The following SNAP47 variants were observed in gnomAD, a reference collection of about 807,000 sequenced individuals.
SNAP47 encodes the protein synaptosomal-associated protein 47.
SNAP47 carries 20 observed loss-of-function variants against 31.4 expected under a neutral mutation model. That is an observed-to-expected ratio of 0.64 (90% CI 0.45 to 0.93). The LOEUF is 0.93. Among genes scored for constraint, SNAP47 ranks in the 40% least tolerant of loss-of-function variants. The pLI is 0.00. For missense variants in SNAP47, 492 were observed against 528.5 expected (o/e 0.93, Z 0.68); for synonymous variants, 194 against 213.4 (o/e 0.91, Z 0.79).
intron 4 of SNAP47, among the ~76,000 whole-genome samples, chr1:227,774,228 TC>T (rs1392865245): frequency 6.6e-6 from 1 of 152,262 alleles, no homozygotes; most frequent in Admixed American, 6.5e-5. Flanking sequence ...GGCTGCCTGT[TC>T]CTGTTTCTGT....
chr1:227,752,045 G>A (rs988390193), intron 2 of SNAP47, among the ~76,000 whole-genome samples: 1 of 152,096 alleles, frequency 6.6e-6, no homozygotes. Flanking sequence ...GATTACAGGC[G>A]TGAACCACCG....
chr1:227,744,604 G>A (rs913082796), intron 1 of SNAP47, among the ~76,000 whole-genome samples: 4 of 137,866 alleles, frequency 2.9e-5, no homozygotes, highest in South Asian at 2.2e-4. Context: ...TCATCCTTCT[G>A]TGTGTGAGCT....
At chr1:227,733,664 T>C, upstream of SNAP47, 1 of 1,601,532 alleles carries the variant, frequency 6.2e-7, no homozygotes. Flanking sequence ...GCGGAAGATG[T>C]CAGCATGGAA....
intron 2 of SNAP47, among the ~76,000 whole-genome samples, chr1:227,755,418 G>T (rs576869864): frequency 1.3e-5 from 2 of 151,556 alleles, no homozygotes; most frequent in African/African-American, 4.8e-5. Flanking sequence ...ATGGAGTCTC[G>T]CTCTGTCACC....
intron 4 of SNAP47, among the ~76,000 whole-genome samples, chr1:227,775,171 C>A (rs1195345611): frequency 6.6e-6 from 1 of 152,222 alleles, no homozygotes. Context: ...TCTGCGAGTG[C>A]CGAGTGTGAC....
At chr1:227,742,179 C>A (rs150894581) in intron 1 of SNAP47, among the ~76,000 whole-genome samples, 2 of 152,104 alleles carry the variant, frequency 1.3e-5, no homozygotes, top group African/African-American at 2.4e-5. Context: ...ATCCCTCCCC[C>A]CTGCCCCTAG....
upstream of SNAP47, chr1:227,730,447 G>A (rs940192486): frequency 1.3e-5 from 2 of 151,264 alleles, no homozygotes; most frequent in African/African-American, 4.9e-5. Flanking sequence ...TTGCCAATCT[G>A]GAGTGAGGTA....
At chr1:227,735,411 T>A (rs547023870), upstream of SNAP47, 16 of 1,555,648 alleles carry the variant, frequency 1.0e-5, no homozygotes, top group South Asian at 1.8e-4. Context: ...CCTGCACGCA[T>A]GCGCGCGGCT....
In SNAP47 at chr1:227,763,474, T is replaced by C. The variant is rs887823348; in HGVS notation, c.989-3485T>C. ...GGGCAGTTAGTAAAGGACCAGAGCA[T>C]TGGGGTGGCTGAGGTTGTCTCTGCA... On this transcript the variant is annotated intron_variant, in intron 3 of 4. Coordinates refer to ENST00000617596, the MANE Select transcript of SNAP47 (RefSeq NM_053052.4). This position sits in a 1 kb window ranked among gnomAD's most constrained non-coding sequence, Gnocchi z 4.2. 2.0e-5 allele frequency among the ~76,000 whole-genome samples: 3 copies of C among 152,100 alleles called. No homozygotes were observed. Among genetic ancestry groups the C allele is most frequent in the African/African-American group, 7.2e-5 (3 of 41,412 alleles).
At chr1:227,740,206 G>A (rs1477282574) in intron 1 of SNAP47, among the ~76,000 whole-genome samples, 3 of 152,220 alleles carry the variant, frequency 2.0e-5, no homozygotes, top group Non-Finnish European at 4.4e-5. Flanking sequence ...CCACCAATGA[G>A]ACTCCCTGGT....
upstream of SNAP47, chr1:227,735,398 G>T: frequency 6.4e-7 from 1 of 1,569,606 alleles, no homozygotes; most frequent in East Asian, 2.3e-5. Flanking sequence ...CTGGGGCTCC[G>T]GGCCTGCACG....
chr1:227,769,775 G>A (rs1324619018), intron 4 of SNAP47, among the ~76,000 whole-genome samples: 1 of 152,176 alleles, frequency 6.6e-6, no homozygotes, highest in Admixed American at 6.5e-5. Flanking sequence ...TCTGTTGTCC[G>A]CTTCTCTTTG....
upstream of SNAP47, chr1:227,732,344 CAGG>C (rs777049063): frequency 1.8e-5 from 28 of 1,596,438 alleles, no homozygotes; most frequent in African/African-American, 3.5e-4. Context: ...GGCCCCGGAG[CAGG>C]AGGCTGCCTC....
At chr1:227,757,373 A>T (rs1558202496) in intron 2 of SNAP47, among the ~76,000 whole-genome samples, 2 of 152,240 alleles carry the variant, frequency 1.3e-5, no homozygotes, top group Non-Finnish European at 2.9e-5. Flanking sequence ...GACATTTCAC[A>T]TCCATCTACT....
intron 4 of SNAP47, among the ~76,000 whole-genome samples, chr1:227,775,074 G>A (rs965893586): frequency 1.3e-5 from 2 of 152,202 alleles, no homozygotes; most frequent in Admixed American, 1.3e-4. Flanking sequence ...GAGGAGGGGG[G>A]CCCTGCATCT....
intron 2 of SNAP47, among the ~76,000 whole-genome samples, chr1:227,751,826 C>T (rs1662390310): frequency 1.6e-5 from 2 of 125,344 alleles, no homozygotes; most frequent in African/African-American, 3.1e-5. Context: ...TGCAGTGGCG[C>T]GATCTCTGCT....
At chr1:227,767,838 C>T (rs1352773018) in intron 4 of SNAP47, among the ~76,000 whole-genome samples, 2 of 152,210 alleles carry the variant, frequency 1.3e-5, no homozygotes, top group South Asian at 2.1e-4. Flanking sequence ...TATGCATGCA[C>T]AGTCGGGTGC....
At chr1:227,761,146 G>A (rs1235772982) in intron 3 of SNAP47, among the ~76,000 whole-genome samples, 1 of 152,170 alleles carries the variant, frequency 6.6e-6, no homozygotes, top group Non-Finnish European at 1.5e-5. Context: ...TAAATGCCAG[G>A]TGTCTGTTAA....
intron 3 of SNAP47, chr1:227,759,715 G>C: frequency 1.7e-6 from 1 of 589,240 alleles, no homozygotes; most frequent in Non-Finnish European, 3.0e-6. Flanking sequence ...CACTTGATAG[G>C]TGCGTGAATT....
Sources: gnomAD v4.1 joint callset for allele counts (sites outside exome capture counted in the v4.1 genomes callset) on GRCh38, gnomAD v4.1.1 for gene constraint, Gnocchi (gnomAD v3.1) non-coding constraint, MANE v1.5 for transcripts, NCBI Gene and HGNC (gene_info 2026-07-23, HGNC 2026-07-21) for gene names.